PAX2: variants seen among roughly 807,000 people sequenced by gnomAD.
PAX2 encodes the protein paired box protein Pax-2.
Under a neutral mutation model 41.7 loss-of-function variants are expected in PAX2, and 9 were observed. The ratio of observed to expected loss-of-function variants is 0.22; its 90% CI spans 0.13 to 0.38. The LOEUF (loss-of-function observed/expected upper bound fraction) is 0.38, where lower values mean the gene tolerates loss of function less well. Ranked by LOEUF, PAX2 falls within the 10% of genes least tolerant of loss-of-function variation. The pLI, the probability that PAX2 is intolerant of heterozygous loss-of-function variation, is 1.00. For missense variants in PAX2, 418 were observed against 531.6 expected, an observed-to-expected ratio of 0.79 and a Z score of 2.10; for synonymous variants, 221 against 212.7, an observed-to-expected ratio of 1.04 and a Z score of -0.34.
intron 5 of PAX2, among the ~76,000 whole-genome samples, chr10:100,786,642 G>A (rs536315351): frequency 6.6e-6 from 1 of 152,098 alleles, no homozygotes; most frequent in Non-Finnish European, 1.5e-5. Context: ...CTGTGTGAGC[G>A]GGGAGAGCTC....
chr10:100,742,640 AG>A (rs555119770), upstream of PAX2, among the ~76,000 whole-genome samples: 2 of 152,048 alleles, frequency 1.3e-5, no homozygotes, highest in African/African-American at 4.8e-5. Flanking sequence ...AAATTTCCGC[AG>A]GGAGGCGGGC....
rs186840678 is a variant in PAX2, at chr10:100,818,913, C to T, written c.920-5735C>T. ...CATCTACTAGCAGTGAAATCTCAGA[C>T]GTAATATTTGGCCCCTCTGAGTTTA... On this transcript the variant is annotated intron_variant, in intron 7 of 9. Transcript: ENST00000355243. 2.8e-3 allele frequency among the ~76,000 whole-genome samples: 423 copies of T among 152,260 alleles called. 2 individuals carry two copies. Among genetic ancestry groups the T allele is most frequent in the African/African-American group, 9.2e-3 (384 of 41,546 alleles).
chr10:100,829,396 G>A lies in PAX2; in HGVS notation c.*1777G>A, dbSNP rs1311623290. 1 of 208,858 alleles carries A rather than the reference G, an allele frequency of 4.8e-6. No individual in the cohort carries two copies. Among genetic ancestry groups the A allele is most frequent in the East Asian group, 6.9e-5 (1 of 14,514 alleles). 12.9% of individuals were successfully genotyped at this position (208,858 alleles called of 1,614,324 possible). ...TCCGAGGTGGCAGCTCCAGCCCCCG[G>A]GCTCGCCCCCTCGCGGGCGTGCCCC... is the stretch of plus-strand genomic sequence containing the variant. On this transcript the variant is annotated 3_prime_UTR_variant, in exon 10 of 10. Transcript: ENST00000355243.
chr10:100,806,268 C>T (rs184171879), intron 5 of PAX2, among the ~76,000 whole-genome samples, 162 bp from the exon 6 acceptor site: 49 of 152,358 alleles, frequency 3.2e-4, no homozygotes, highest in Non-Finnish European at 6.8e-4. Flanking sequence ...GCAGGGCCAC[C>T]CTCTGGTGTC....
intron 3 of PAX2, among the ~76,000 whole-genome samples, chr10:100,751,121 G>T (rs146651747): frequency 2.5e-4 from 38 of 152,172 alleles, no homozygotes; most frequent in Admixed American, 2.4e-3. Flanking sequence ...TTCTCCCGCC[G>T]GCGTCCTGGA....
chr10:100,781,282 C>G lies in PAX2; in HGVS notation c.533C>G (p.Ser178Cys), dbSNP rs2133897760. 1.2e-6 allele frequency: 2 copies of G among 1,613,890 alleles called. No homozygotes were observed. Among genetic ancestry groups the G allele is most frequent in the Non-Finnish European group, 1.7e-6 (2 of 1,179,756 alleles). ...STASPPVSSA[S>C]NDPVGSYSIN... ...GCCTCCCCTCCTGTTTCCAGCGCCT[C>G]CAATGACCCAGTGGGATCCTACTCC... The change falls in exon 5 of 10, where the codon TCC becomes TGC. Residue 178 changes from serine to cysteine, a missense_variant. Around this residue, in one of 2 missense-constraint regions of PAX2, gnomAD observed 310 missense variants for 325.2 expected, o/e 0.95. Coordinates refer to ENST00000355243, the MANE Select transcript of PAX2 (RefSeq NM_000278.5).
chr10:100,825,893 G>A (rs530442875), intron 8 of PAX2, among the ~76,000 whole-genome samples: 2 of 150,646 alleles, frequency 1.3e-5, no homozygotes, highest in Non-Finnish European at 2.9e-5. Flanking sequence ...ATTTTAGGGA[G>A]AAACTCCCAG....
At chr10:100,787,103 G>T (rs1846899862) in intron 5 of PAX2, 5 of 619,840 alleles carry the variant, frequency 8.1e-6, no homozygotes, top group Non-Finnish European at 1.4e-5. Flanking sequence ...GTTCCTAAGG[G>T]CCAGAGCATG....
chr10:100,810,206 G>A (rs980185343), intron 7 of PAX2, among the ~76,000 whole-genome samples: 2 of 152,174 alleles, frequency 1.3e-5, no homozygotes, highest in East Asian at 1.9e-4. Context: ...CAGAGCCAGC[G>A]GCAAAGGCAG....
chr10:100,754,545 CTG>C (rs779385855), intron 3 of PAX2, among the ~76,000 whole-genome samples: 2 of 152,222 alleles, frequency 1.3e-5, no homozygotes, highest in African/African-American at 2.4e-5. Flanking sequence ...CAACCCAGGG[CTG>C]TGTTAAGGAA....
chr10:100,755,693 C>T (rs929819484), intron 3 of PAX2, among the ~76,000 whole-genome samples: 11 of 152,138 alleles, frequency 7.2e-5, no homozygotes, highest in Admixed American at 5.9e-4. Flanking sequence ...CCAGAGATTT[C>T]GATGGGAGCC....
chr10:100,749,374 T>C, intron 1 of PAX2: 1 of 1,067,158 alleles, frequency 9.4e-7, no homozygotes, highest in Non-Finnish European at 1.1e-6. Flanking sequence ...ACTAGTCCAG[T>C]CCTCTGCCAG....
chr10:100,735,539 A>T, exon 1 of PAX2: 1 of 377,104 alleles, frequency 2.7e-6, no homozygotes, highest in Non-Finnish European at 4.0e-6. Context: ...CGGGCGGAGC[A>T]CACAGCCGTG....
At chr10:100,742,307 G>A (rs1383422355), upstream of PAX2, among the ~76,000 whole-genome samples, 1 of 152,002 alleles carries the variant, frequency 6.6e-6, no homozygotes, top group Admixed American at 6.6e-5. Flanking sequence ...CCCTGGAGTC[G>A]CGCTTGGCTT....
chr10:100,801,907 C>A (rs1847578398), intron 5 of PAX2, among the ~76,000 whole-genome samples: 1 of 152,252 alleles, frequency 6.6e-6, no homozygotes, highest in African/African-American at 2.4e-5. Flanking sequence ...TACTTAACCT[C>A]TCTTTGCTTC....
Position 100,746,189 on chromosome 10 carries a change from CAAGTCCTG to C in PAX2, c.-67_-60del. ...CCCCACCGTCCCTCCCTTTTCTCCTCAAGTCCTGAAGTTGAGTTTGAGAGGCGACACGG... is the reference window on the plus strand; with the variant it reads ...CCCCACCGTCCCTCCCTTTTCTCCTCAAGTTGAGTTTGAGAGGCGACACGG... On this transcript the variant is annotated 5_prime_UTR_variant, in exon 1 of 10. Transcript: ENST00000355243. 1 of 1,611,626 alleles carries C rather than the reference CAAGTCCTG, an allele frequency of 6.2e-7. No homozygotes were observed. The highest frequency in any genetic ancestry group is 8.5e-7 in the Non-Finnish European group (1 of 1,178,842).
At chr10:100,784,330 T>C (rs1210994504) in intron 5 of PAX2, among the ~76,000 whole-genome samples, 1 of 152,162 alleles carries the variant, frequency 6.6e-6, no homozygotes, top group Non-Finnish European at 1.5e-5. Context: ...CAAAAGAGAA[T>C]ACTGACCAGG....
chr10:100,813,549 G>C (rs1848074570), intron 7 of PAX2, among the ~76,000 whole-genome samples: 2 of 152,212 alleles, frequency 1.3e-5, no homozygotes, highest in Non-Finnish European at 2.9e-5. Flanking sequence ...CCAGAACTGA[G>C]TATCATCCTG....
intron 5 of PAX2, among the ~76,000 whole-genome samples, chr10:100,782,630 T>C (rs1213882126): frequency 6.6e-6 from 1 of 152,262 alleles, no homozygotes; most frequent in Non-Finnish European, 1.5e-5. Flanking sequence ...CTGGCCTCCT[T>C]CCAGAAGCCC....
Sources: allele counts gnomAD v4.1 joint callset (sites outside exome capture counted in the v4.1 genomes callset), GRCh38; gene constraint gnomAD v4.1.1; regional missense constraint gnomAD v4.1.1; transcripts MANE v1.5; gene names NCBI Gene and HGNC (gene_info 2026-07-23, HGNC 2026-07-21).